Variants in SOAT2 observed in about 807,000 individuals in gnomAD.
SOAT2 encodes ACAT-2.
SOAT2 carries 87 observed loss-of-function variants against 76.0 expected under a neutral mutation model. The ratio of observed to expected loss-of-function variants is 1.14; its 90% CI spans 0.96 to 1.37. The LOEUF is 1.37. Ranked by LOEUF, SOAT2 falls within the 40% of genes most tolerant of loss-of-function variation. SOAT2 has a pLI of 0.00. For synonymous variants in SOAT2, 285 were observed against 275.4 expected (o/e 1.03, Z -0.34); for missense variants, 686 against 682.1 (o/e 1.01, Z -0.06).
Position 53,124,266 on chromosome 12 carries a change from A to G in SOAT2, c.*143A>G. 1 of 761,598 alleles carries G rather than the reference A, an allele frequency of 1.3e-6. No individual in the cohort carries two copies. The highest frequency in any genetic ancestry group is 1.6e-5 in the South Asian group (1 of 63,634). 47.2% of individuals were successfully genotyped at this position (761,598 alleles called of 1,614,324 possible). On this transcript the variant is annotated 3_prime_UTR_variant, in exon 15 of 15. Transcript: ENST00000301466. ...CACAAGACCCCACCAAGGAATGTGC[A>G]AGGACTGAGATCTGCAGACTTGTGG... is the stretch of plus-strand genomic sequence containing the variant.
chr12:53,104,286 T>C, intron 2 of SOAT2, 80 bp downstream of exon 2: 3 of 917,226 alleles, frequency 3.3e-6, no homozygotes, highest in Non-Finnish European at 4.9e-6. Context: ...GTGATAAAGA[T>C]GACTTTTTTT....
chr12:53,119,276 A>G, intron 10 of SOAT2, 23 bp downstream of exon 10: 1 of 1,612,634 alleles, frequency 6.2e-7, no homozygotes, highest in South Asian at 1.1e-5. Flanking sequence ...AGGTAGGGCT[A>G]GAGCAGCTGT....
At position 53,103,640 on chromosome 12, in the gene SOAT2, G is replaced by C. The variant is rs1380541036; in HGVS notation, c.63G>C (p.Glu21Asp). ...QRTEGLGGER[E>D]RQPCGDGNTE... ...CAGAAGGGCTGGGAGGGGAGCGGGA[G>C]CGCCAACCCTGTGGAGATGGTGAGC... The change falls in exon 1 of 15, where the codon GAG becomes GAC. Residue 21 changes from glutamate to aspartate, a missense_variant. Transcript: ENST00000301466. 3 of 1,540,784 alleles carry C rather than the reference G, an allele frequency of 1.9e-6. No individual in the cohort carries two copies. Among genetic ancestry groups the C allele is most frequent in the East Asian group, 2.4e-5 (1 of 40,876 alleles).
chr12:53,116,270 G>T, intron 7 of SOAT2, 104 bp downstream of exon 7: 1 of 1,060,556 alleles, frequency 9.4e-7, no homozygotes, highest in South Asian at 1.4e-5. Context: ...TCCTAAGCCC[G>T]GGTTGCCCAC....
chr12:53,104,227 GA>G (rs1937889730), intron 2 of SOAT2, 21 bp downstream of exon 2: 1 of 1,594,484 alleles, frequency 6.3e-7, no homozygotes, highest in African/African-American at 1.3e-5. Flanking sequence ...TCAGAGGTCA[GA>G]GGTCAAGTGG....
chr12:53,104,923 A>G (rs1032930863), intron 2 of SOAT2, among the ~76,000 whole-genome samples, 184 bp from the exon 3 acceptor site: 2 of 150,876 alleles, frequency 1.3e-5, no homozygotes, highest in Non-Finnish European at 3.0e-5. Context: ...CACCCCACCA[A>G]TGCCTGCCCT....
intron 6 of SOAT2, 84 bp from the exon 7 acceptor site, chr12:53,116,013 C>T (rs1938102109): frequency 1.6e-6 from 2 of 1,227,322 alleles, no homozygotes; most frequent in East Asian, 4.6e-5. Context: ...GCCTGCCTCT[C>T]AGAGGTAACC....
At chr12:53,117,187 C>T (rs1232535945) in intron 7 of SOAT2, among the ~76,000 whole-genome samples, 1 of 151,770 alleles carries the variant, frequency 6.6e-6, no homozygotes, top group Non-Finnish European at 1.5e-5. Flanking sequence ...TCTCGAACTC[C>T]TGACCTCCAG....
intron 7 of SOAT2, among the ~76,000 whole-genome samples, chr12:53,117,841 TATA>T (rs1413768019): frequency 1.3e-5 from 2 of 152,146 alleles, no homozygotes; most frequent in East Asian, 1.9e-4. Flanking sequence ...CCATACCACA[TATA>T]ATAATAAGAA....
intron 5 of SOAT2, among the ~76,000 whole-genome samples, chr12:53,112,545 C>CAA (rs71095977): frequency 6.9e-5 from 4 of 58,176 alleles, no homozygotes; most frequent in Non-Finnish European, 7.2e-5. Flanking sequence ...AACTCTGTCT[C>CAA]AAAAAAAAAA....
At chr12:53,113,952 G>C (rs1386675166) in intron 5 of SOAT2, among the ~76,000 whole-genome samples, 1 of 151,930 alleles carries the variant, frequency 6.6e-6, no homozygotes, top group Non-Finnish European at 1.5e-5. Flanking sequence ...GGAGGCCTGG[G>C]GAGTTTCTTC....
At chr12:53,118,293 C>A in intron 7 of SOAT2, 57 bp from the exon 8 acceptor site, 1 of 1,091,366 alleles carries the variant, frequency 9.2e-7, no homozygotes, top group South Asian at 1.3e-5. Flanking sequence ...CAGCAGCCCC[C>A]TCACCTCTGC....
chr12:53,118,235 A>AC, intron 7 of SOAT2, 115 bp from the exon 8 acceptor site: 12 of 128,790 alleles, frequency 9.3e-5, no homozygotes, highest in South Asian at 3.1e-4. Context: ...CTTATCCCCC[A>AC]CCCCCACCCT....
At chr12:53,115,784 G>C in intron 6 of SOAT2, 130 bp downstream of exon 6, 1 of 1,167,666 alleles carries the variant, frequency 8.6e-7, no homozygotes, top group Non-Finnish European at 1.2e-6. Flanking sequence ...TGGCAGGGGC[G>C]GAGCTAGTTA....
chr12:53,118,866 AT>A, intron 8 of SOAT2, 23 bp from the exon 9 acceptor site: 1 of 1,614,018 alleles, frequency 6.2e-7, no homozygotes, highest in Non-Finnish European at 8.5e-7. Context: ...AATGAGAAAC[AT>A]ATTGTCCCCA....
intron 2 of SOAT2, 96 bp from the exon 3 acceptor site, chr12:53,105,011 T>G: frequency 6.2e-6 from 7 of 1,134,502 alleles, no homozygotes; most frequent in East Asian, 4.0e-5. Flanking sequence ...AAAAAAGCAC[T>G]GTGCCTGGCA....
chr12:53,116,867 C>CA (rs919693639), intron 7 of SOAT2, among the ~76,000 whole-genome samples: 60 of 137,082 alleles, frequency 4.4e-4, no homozygotes, highest in Middle Eastern at 3.7e-3. Context: ...GATCCCATCT[C>CA]AAAAAAAAAA....
chr12:53,116,709 CTT>C (rs906136913), intron 7 of SOAT2, among the ~76,000 whole-genome samples: 1 of 151,966 alleles, frequency 6.6e-6, no homozygotes, highest in African/African-American at 2.4e-5. Flanking sequence ...CTTCAAAAAA[CTT>C]TTTAAAATTA....
At chr12:53,104,227 G>A (rs1201295855) in intron 2 of SOAT2, 21 bp downstream of exon 2, 1 of 1,594,484 alleles carries the variant, frequency 6.3e-7, no homozygotes, top group Non-Finnish European at 8.6e-7. Flanking sequence ...TCAGAGGTCA[G>A]AGGTCAAGTG....
Sources: gnomAD v4.1 joint callset for allele counts (sites outside exome capture counted in the v4.1 genomes callset) on GRCh38, gnomAD v4.1.1 for gene constraint, MANE v1.5 for transcripts, NCBI Gene and HGNC (gene_info 2026-07-23, HGNC 2026-07-21) for gene names.